MYOCD: variants seen among roughly 807,000 people sequenced by gnomAD.
The protein encoded by MYOCD is myocardin.
MYOCD carries 32 observed loss-of-function variants against 96.1 expected under a neutral mutation model. The ratio of observed to expected loss-of-function variants is 0.33; its 90% confidence interval spans 0.25 to 0.45. The LOEUF is 0.45. Ranked by LOEUF, MYOCD falls within the 20% of genes least tolerant of loss-of-function variation. MYOCD has a pLI of 1.00. For synonymous variants in MYOCD, 469 were observed against 469.0 expected (o/e 1.00, Z 0.00); for missense variants, 1,133 against 1,200.6 (o/e 0.94, Z 0.83).
chr17:12,753,923 G>C (rs1361727860), intron 10 of MYOCD, among the ~76,000 whole-genome samples: 1 of 152,014 alleles, frequency 6.6e-6, no homozygotes, highest in Middle Eastern at 3.2e-3. Context: ...CTCATCTCTG[G>C]GACTTAGTGC....
chr17:12,725,653 AATATT>A (rs1316093381), intron 5 of MYOCD, among the ~76,000 whole-genome samples: 2 of 150,292 alleles, frequency 1.3e-5, no homozygotes, highest in African/African-American at 2.4e-5. Flanking sequence ...CCTCAAAAGT[AATATT>A]ATATTATATG....
intron 10 of MYOCD, 69 bp downstream of exon 10, chr17:12,753,415 T>C: frequency 7.3e-7 from 1 of 1,372,306 alleles, no homozygotes; most frequent in Admixed American, 2.4e-5. Context: ...TTTCAACTGC[T>C]AAAGAGCTAA....
chr17:12,722,772 C>A, intron 4 of MYOCD, 75 bp from the exon 5 acceptor site: 1 of 1,309,012 alleles, frequency 7.6e-7, no homozygotes, highest in Non-Finnish European at 1.1e-6. Context: ...TTTGTAACCA[C>A]AAGCCAAAAA....
rs201621132 is a variant in MYOCD at position 12,753,254 on chromosome 17, A to C, written c.1966A>C (p.Asn656His). 1.5e-4 allele frequency: 240 copies of C among 1,614,058 alleles called. No homozygotes were observed. The highest frequency in any genetic ancestry group is 1.9e-4 in the Non-Finnish European group (226 of 1,180,032). ...GCACATCAGTTTGCCCCCATCACCC[A>C]ACAACCCTCACTTTCTGCCCTCATC... The part of the protein sequence containing the change: ...PQHISLPPSP[N>H]NPHFLPSSSG... Residue 656 changes from asparagine (N) to histidine (H), a missense_variant, in exon 10 of 14, where the codon AAC becomes CAC. By Grantham distance (68) the Asn-to-His change is moderately conservative (BLOSUM62 1). Transcript: ENST00000425538.
intron 1 of MYOCD, among the ~76,000 whole-genome samples, chr17:12,684,336 A>G (rs2029976072): frequency 6.6e-6 from 1 of 152,200 alleles, no homozygotes. Context: ...GCTCAAAAAC[A>G]TGCCGGTGTA....
rs71144920 is a variant in MYOCD at position 12,719,174 on chromosome 17, C to CAAAAAAAAAAAA, written c.253+1772_253+1783dup. Among the ~76,000 whole-genome samples the CAAAAAAAAAAAA allele has an allele frequency of 8.7e-3, 428 of 49,168 alleles. 34 individuals carry two copies. The highest frequency in any genetic ancestry group is 0.01 in the Admixed American group (37 of 3,628). The allele number at this position is 49,168 out of a possible 152,430, so 32.3% of individuals were successfully genotyped here. ...GGGGCCACAGAGGGAGACTCTGTCT[C>CAAAAAAAAAAAA]AAAAAAAAAAAAAAAAAAAAAAAAA... On this transcript the variant is annotated intron_variant, in intron 4 of 13. Coordinates refer to ENST00000425538, the MANE Select transcript of MYOCD (RefSeq NM_001146312.3).
chr17:12,665,902 C>G lies in MYOCD; in HGVS notation c.-287C>G. 8.9e-6 allele frequency: 4 copies of G among 448,030 alleles called. No homozygotes were observed. Among genetic ancestry groups the G allele is most frequent in the Non-Finnish European group, 1.6e-5 (4 of 251,680 alleles). 27.8% of individuals were successfully genotyped at this position (448,030 alleles called of 1,614,324 possible). ...GGCGATTCTCCGCAATCGCCGGCAGCCTATGACATCAGACAGGAACGCCTG... is the reference window on the plus strand; with the variant it reads ...GGCGATTCTCCGCAATCGCCGGCAGGCTATGACATCAGACAGGAACGCCTG... On this transcript the variant is annotated 5_prime_UTR_variant, in exon 1 of 14. Coordinates refer to ENST00000425538, the MANE Select transcript of MYOCD (RefSeq NM_001146312.3). The surrounding 1 kb of genome is among the most constrained non-coding windows in gnomAD (Gnocchi z 4.2).
chr17:12,695,391 A>G (rs568439579), intron 1 of MYOCD, among the ~76,000 whole-genome samples: 348 of 152,324 alleles, frequency 2.3e-3, no homozygotes, highest in African/African-American at 8.0e-3. Flanking sequence ...CAAACTTCTT[A>G]ATACCATCAT....
chr17:12,717,920 G>A (rs2031699703), intron 4 of MYOCD, among the ~76,000 whole-genome samples: 1 of 152,120 alleles, frequency 6.6e-6, no homozygotes, highest in Non-Finnish European at 1.5e-5. Context: ...TCTGTGCTGG[G>A]GTATGTGAGA....
At chr17:12,698,616 G>A (rs1191167484) in intron 1 of MYOCD, among the ~76,000 whole-genome samples, 1 of 151,316 alleles carries the variant, frequency 6.6e-6, no homozygotes, top group Admixed American at 6.6e-5. Context: ...CTTTATAACT[G>A]AAAAATCTGC....
intron 9 of MYOCD, among the ~76,000 whole-genome samples, chr17:12,748,692 A>G (rs774252756): frequency 1.3e-5 from 2 of 152,182 alleles, no homozygotes; most frequent in African/African-American, 2.4e-5. Context: ...TTATTTAATA[A>G]TGTAGTTAAA....
intron 1 of MYOCD, among the ~76,000 whole-genome samples, chr17:12,677,122 G>C (rs1910110344): frequency 6.6e-6 from 1 of 152,058 alleles, no homozygotes; most frequent in Admixed American, 6.6e-5. Context: ...GGAGCTGGAG[G>C]CCATTATCTT....
chr17:12,737,948 A>G (rs905507302), intron 6 of MYOCD, among the ~76,000 whole-genome samples: 1 of 152,122 alleles, frequency 6.6e-6, no homozygotes, highest in Non-Finnish European at 1.5e-5. Context: ...TAATCAAAGC[A>G]TTTTTCCTTC....
At chr17:12,740,679 G>A (rs1417173149) in intron 7 of MYOCD, among the ~76,000 whole-genome samples, 1 of 152,026 alleles carries the variant, frequency 6.6e-6, no homozygotes, top group East Asian at 1.9e-4. Context: ...TCAGTTAATT[G>A]CCTGGTAATC....
At position 12,752,631 on chromosome 17, in the gene MYOCD, A is replaced by G; in HGVS notation, c.1343A>G (p.His448Arg). The G allele has an allele frequency of 6.2e-7, 1 of 1,614,004 alleles. No homozygotes were observed. The highest frequency in any genetic ancestry group is 8.5e-7 in the Non-Finnish European group (1 of 1,179,972). ...STSALSNGFYHFGSTSSSPPI... is the reference protein window; with the variant it reads ...STSALSNGFYRFGSTSSSPPI... ...AGTGCCCTGTCCAACGGCTTCTACC[A>G]CTTTGGCAGCACCAGCTCCAGCCCC... The change falls in exon 10 of 14, where the codon CAC becomes CGC. Residue 448 changes from histidine (H) to arginine (R), a missense_variant. Coordinates refer to ENST00000425538, the MANE Select transcript of MYOCD (RefSeq NM_001146312.3).
chr17:12,755,474 G>A (rs1158549934), intron 10 of MYOCD, among the ~76,000 whole-genome samples: 1 of 151,886 alleles, frequency 6.6e-6, no homozygotes, highest in Admixed American at 6.6e-5. Flanking sequence ...GCCAGGCACA[G>A]TGGCTCATGC....
rs1250172777 is a variant in MYOCD at position 12,767,938 on chromosome 17, A to G, written c.*4294A>G. ...AGCCTCTGGCCCTTAAAAGAAAATC[A>G]TCTAAGAATATGAAGGCAATTTGAT... On this transcript the variant is annotated 3_prime_UTR_variant, in exon 14 of 14. Transcript: ENST00000425538. The G allele has an allele frequency of 6.6e-6, 1 of 152,178 alleles. No individual in the cohort carries two copies. The highest frequency in any genetic ancestry group is 2.4e-5 in the African/African-American group (1 of 41,448). 9.4% of individuals were successfully genotyped at this position (152,178 alleles called of 1,614,324 possible).
rs142132279 is a variant in MYOCD, at chr17:12,674,494, A to C, written c.55+8251A>C. Reference sequence around the variant, plus strand: ...CAGTTTATTTGAGAAAAAAAAATTAAGAAATTTTTGAAAGGCAACAAGAAG... The same window carrying C: ...CAGTTTATTTGAGAAAAAAAAATTACGAAATTTTTGAAAGGCAACAAGAAG... On this transcript the variant is annotated intron_variant, in intron 1 of 13. Transcript: ENST00000425538. Among the ~76,000 whole-genome samples, 369 of 152,344 alleles carry C rather than the reference A, an allele frequency of 2.4e-3. 5 individuals carry two copies. The highest frequency in any genetic ancestry group is 3.8e-4 in the Non-Finnish European group (26 of 68,038).
intron 5 of MYOCD, 112 bp from the exon 6 acceptor site, chr17:12,736,049 A>T (rs1170462132): frequency 4.5e-6 from 4 of 890,322 alleles, no homozygotes; most frequent in Non-Finnish European, 7.1e-6. Context: ...CTTAAAACAA[A>T]CTGGAGAGAG....
Sources: allele counts gnomAD v4.1 joint callset (sites outside exome capture counted in the v4.1 genomes callset), GRCh38; gene constraint gnomAD v4.1.1; non-coding constraint Gnocchi (gnomAD v3.1); transcripts MANE v1.5; gene names NCBI Gene and HGNC (gene_info 2026-07-23, HGNC 2026-07-21).